ZNF487: variants seen among roughly 807,000 people sequenced by gnomAD.
ZNF487 encodes the protein KRAB domain only 1.
Under a neutral mutation model 3.0 loss-of-function variants are expected in ZNF487, and 4 were observed. The observed-to-expected ratio is 1.35, with a 90% CI of 0.66 to 3.08. The LOEUF is 3.08. Among genes scored for constraint, ZNF487 ranks in the 30% most tolerant of loss-of-function variants. ZNF487 has a pLI of 0.01. For missense variants in ZNF487, 146 were observed against 98.7 expected, an observed-to-expected ratio of 1.48 and a Z score of -2.03; for synonymous variants, 55 against 34.6, an observed-to-expected ratio of 1.59 and a Z score of -2.06.
chr10:43,470,214 A>AT (rs1353885793), intron 1 of ZNF487, among the ~76,000 whole-genome samples: 3 of 150,656 alleles, frequency 2.0e-5, no homozygotes, highest in Non-Finnish European at 3.0e-5. Context: ...TTCCCTTTTA[A>AT]TTTTTTTTTG....
the ZNF487 span, among the ~76,000 whole-genome samples, chr10:43,498,272 A>ATT: frequency 2.2e-3 from 206 of 93,464 alleles, 7 homozygotes; most frequent in African/African-American, 5.9e-3. Context: ...ATATATATAT[A>ATT]TATTTTTTTC....
chr10:43,442,899 A>AT (rs1243838141), intron 1 of ZNF487, among the ~76,000 whole-genome samples: 3 of 152,194 alleles, frequency 2.0e-5, no homozygotes, highest in Non-Finnish European at 2.9e-5. Flanking sequence ...AATTTAAAGT[A>AT]TTTTTTAAAT....
the ZNF487 span, among the ~76,000 whole-genome samples, chr10:43,493,983 A>G: frequency 6.7e-6 from 1 of 149,660 alleles, no homozygotes; most frequent in Admixed American, 6.7e-5. Context: ...GTCAGCCAAT[A>G]TTGCGCCACT....
chr10:43,509,443 A>G, the ZNF487 span, among the ~76,000 whole-genome samples: 3 of 132,078 alleles, frequency 2.3e-5, no homozygotes, highest in African/African-American at 8.4e-5. Flanking sequence ...CTCTAGAGGG[A>G]CAGAACTAAT....
intron 1 of ZNF487, among the ~76,000 whole-genome samples, chr10:43,461,316 G>GT (rs138594367): frequency 9.2e-4 from 136 of 148,020 alleles, no homozygotes; most frequent in African/African-American, 1.3e-3. Flanking sequence ...CCAGTCTTTT[G>GT]TTTTTTTTTT....
the ZNF487 span, among the ~76,000 whole-genome samples, chr10:43,504,484 A>G: frequency 2.0e-5 from 3 of 151,012 alleles, no homozygotes; most frequent in Non-Finnish European, 4.4e-5. Flanking sequence ...TTTAGTAGAG[A>G]TGGGGTTTCA....
chr10:43,482,995 C>T lies in ZNF487; in HGVS notation c.*1073C>T. 6.0e-6 allele frequency: 3 copies of T among 503,126 alleles called. No individual in the cohort carries two copies. Among genetic ancestry groups the T allele is most frequent in the Non-Finnish European group, 1.2e-5 (3 of 247,980 alleles). 31.2% of individuals were successfully genotyped at this position (503,126 alleles called of 1,614,324 possible). Reference sequence around the variant, plus strand: ...CAGAGAACACACACAAGGGAGCAACCCTATGAATATAATGAAAGCTTTTAC... The same window carrying T: ...CAGAGAACACACACAAGGGAGCAACTCTATGAATATAATGAAAGCTTTTAC... On this transcript the variant is annotated 3_prime_UTR_variant, in exon 4 of 4. Coordinates refer to ENST00000437590, the MANE Select transcript of ZNF487 (RefSeq NM_001355444.3).
the ZNF487 span, among the ~76,000 whole-genome samples, chr10:43,505,922 C>T: frequency 2.6e-5 from 4 of 152,162 alleles, no homozygotes; most frequent in South Asian, 2.1e-4. Context: ...GGATTACAGG[C>T]GTGAGCCATC....
chr10:43,505,192 T>G, the ZNF487 span, among the ~76,000 whole-genome samples: 1 of 152,024 alleles, frequency 6.6e-6, no homozygotes, highest in Non-Finnish European at 1.5e-5. Flanking sequence ...GCTTTACCAC[T>G]CTGGTTTGAA....
At chr10:43,500,773 T>C in the ZNF487 span, among the ~76,000 whole-genome samples, 6 of 151,878 alleles carry the variant, frequency 4.0e-5, no homozygotes, top group African/African-American at 1.5e-4. Context: ...ACTCCCAAAG[T>C]GTTGGAAATA....
chr10:43,481,559 T>C lies in ZNF487; in HGVS notation c.261T>C (p.Ser87=), dbSNP rs1841359779. Residue 87 remains serine, a synonymous_variant, in exon 4 of 4, where the codon TCT becomes TCC. Transcript: ENST00000437590. ...DRNGVLGKTF[S]LDTNPILSRK... is the part of the protein sequence containing the mutation. ...ATGGTGTATTAGGAAAAACATTTTC[T>C]CTTGACACAAACCCCATTCTATCAA... is the stretch of plus-strand genomic sequence containing the variant. 1.4e-6 allele frequency: 1 copy of C among 710,248 alleles called. No individual in the cohort carries two copies. The highest frequency in any genetic ancestry group is 1.5e-5 in the South Asian group (1 of 65,096). 44.0% of individuals were successfully genotyped at this position (710,248 alleles called of 1,614,324 possible).
intron 1 of ZNF487, among the ~76,000 whole-genome samples, chr10:43,445,836 G>A (rs1005784760): frequency 4.6e-5 from 7 of 152,148 alleles, no homozygotes; most frequent in African/African-American, 1.7e-4. Context: ...GCCTTCCGCA[G>A]TGTTTGTGTC....
chr10:43,491,592 G>A, the ZNF487 span, among the ~76,000 whole-genome samples: 233 of 151,714 alleles, frequency 1.5e-3, 6 homozygotes, highest in African/African-American at 5.3e-3. Context: ...CAACATGTCC[G>A]AGACCCCTCT....
the ZNF487 span, among the ~76,000 whole-genome samples, chr10:43,495,078 C>T: frequency 2.0e-5 from 3 of 151,974 alleles, no homozygotes; most frequent in Non-Finnish European, 4.4e-5. Context: ...TCCCAAATTA[C>T]TTATAATCAT....
chr10:43,503,955 GAC>G, the ZNF487 span, among the ~76,000 whole-genome samples: 1 of 152,070 alleles, frequency 6.6e-6, no homozygotes, highest in Non-Finnish European at 1.5e-5. Context: ...TCTATGTTTA[GAC>G]ACACAAATAC....
intron 1 of ZNF487, chr10:43,452,332 C>T (rs1840038430): frequency 6.6e-6 from 1 of 152,116 alleles, no homozygotes; most frequent in African/African-American, 2.4e-5. Context: ...GCATTGGAGC[C>T]TTCATTTCCC....
At chr10:43,444,568 G>GT (rs1839733859) in intron 1 of ZNF487, among the ~76,000 whole-genome samples, 2 of 151,566 alleles carry the variant, frequency 1.3e-5, no homozygotes, top group South Asian at 4.2e-4. Context: ...CAGGTTGTTC[G>GT]TTTTTTGTTT....
At chr10:43,522,698 C>T in the ZNF487 span, among the ~76,000 whole-genome samples, 4 of 151,952 alleles carry the variant, frequency 2.6e-5, no homozygotes, top group Non-Finnish European at 4.4e-5. Context: ...TGTGCCATTG[C>T]AATCCAGCCT....
At chr10:43,449,224 G>C (rs1419067231) in intron 1 of ZNF487, among the ~76,000 whole-genome samples, 1 of 151,540 alleles carries the variant, frequency 6.6e-6, no homozygotes, top group African/African-American at 2.4e-5. Context: ...GCTTGAACCT[G>C]GGAGGCGAAG....
Sources: gnomAD v4.1 joint callset for allele counts (sites outside exome capture counted in the v4.1 genomes callset) on GRCh38, gnomAD v4.1.1 for gene constraint, MANE v1.5 for transcripts, NCBI Gene and HGNC (gene_info 2026-07-23, HGNC 2026-07-21) for gene names.